The following PNKD variants were observed in gnomAD, a reference collection of about 807,000 sequenced individuals.
The protein encoded by PNKD is PNKD metallo-beta-lactamase domain containing.
In PNKD, 36 loss-of-function variants were observed where a neutral mutation model predicts 45.3. The observed-to-expected ratio is 0.80, with a 90% confidence interval of 0.61 to 1.05. The LOEUF (loss-of-function observed/expected upper bound fraction) is 1.05, where lower values mean the gene tolerates loss of function less well. PNKD is among the 50% of genes least tolerant of loss of function. The pLI is 0.00. For synonymous variants in PNKD, 197 were observed against 210.1 expected (o/e 0.94, Z 0.54); for missense variants, 511 against 506.6 (o/e 1.01, Z -0.08).
At chr2:218,298,088 G>A (rs138739475) in intron 2 of PNKD, among the ~76,000 whole-genome samples, 36 of 152,226 alleles carry the variant, frequency 2.4e-4, no homozygotes, top group Non-Finnish European at 4.3e-4. Context: ...TCATCTAGGT[G>A]AAAGGCAGTG....
rs750589574 is a variant in PNKD at position 218,345,020 on chromosome 2, G to C, written c.*39G>C. 6.5e-7 allele frequency: 1 copy of C among 1,534,110 alleles called. No homozygotes were observed. Among genetic ancestry groups the C allele is most frequent in the East Asian group, 2.3e-5 (1 of 44,242 alleles). ...CCCAGCCCAGCCCACTCCCCGCATG[G>C]GGAGGCCGCCACCACCAACACCTCA... On this transcript the variant is annotated 3_prime_UTR_variant, in exon 10 of 10. Coordinates refer to ENST00000273077, the MANE Select transcript of PNKD (RefSeq NM_015488.5).
chr2:218,346,533 C>G lies in PNKD; in HGVS notation c.*1552C>G, dbSNP rs752573980. 2 of 154,062 alleles carry G rather than the reference C, an allele frequency of 1.3e-5. No homozygotes were observed. The highest frequency in any genetic ancestry group is 2.9e-5 in the Non-Finnish European group (2 of 68,192). The allele number at this position is 154,062 out of a possible 1,614,324, so 9.5% of individuals were successfully genotyped here. On this transcript the variant is annotated 3_prime_UTR_variant, in exon 10 of 10. Coordinates refer to ENST00000273077, the MANE Select transcript of PNKD (RefSeq NM_015488.5). ...GCCTGGCAAGTTCATCTCTCACGAT[C>G]CCCTCAAAGGCCCCCTCCTCCAGGA... is the stretch of plus-strand genomic sequence containing the variant.
At chr2:218,334,343 C>A (rs1694424571) in intron 2 of PNKD, among the ~76,000 whole-genome samples, 1 of 152,028 alleles carries the variant, frequency 6.6e-6, no homozygotes. Context: ...GATCTAGAAT[C>A]CAGTCCAGAA....
intron 2 of PNKD, among the ~76,000 whole-genome samples, chr2:218,337,096 A>G (rs1231234710): frequency 1.3e-5 from 2 of 149,744 alleles, no homozygotes; most frequent in African/African-American, 2.5e-5. Flanking sequence ...CACTGCACCC[A>G]GCCTTCAATT....
rs146727797 is a variant in PNKD at position 218,282,119 on chromosome 2, G to A, written c.236+10570G>A. 2.6e-6 allele frequency: 4 copies of A among 1,526,662 alleles called. 1 individual carries two copies. Among genetic ancestry groups the A allele is most frequent in the South Asian group, 2.5e-5 (2 of 79,126 alleles). The allele number at this position is 1,526,662 out of a possible 1,614,324, so 94.6% of individuals were successfully genotyped here. A position where few individuals can be genotyped will look rare whatever the true frequency, so the allele number is the denominator to read the frequency against. On this transcript the variant is annotated intron_variant, in intron 2 of 9. Coordinates refer to ENST00000273077, the MANE Select transcript of PNKD (RefSeq NM_015488.5). ...CAGGGGGTTGCGGTCTTCATATGGT[G>A]GTGGGGCGCTGGGGTTGGACATGGC...
intron 2 of PNKD, chr2:218,279,250 C>G (rs1403880379): frequency 1.3e-6 from 2 of 1,564,098 alleles, no homozygotes; most frequent in Non-Finnish European, 1.7e-6. Flanking sequence ...CCTGAACCCC[C>G]AGGGCAGTAG....
At position 218,320,960 on chromosome 2, in the gene PNKD, G is replaced by A. The variant is rs750904978; in HGVS notation, c.237-18823G>A. On this transcript the variant is annotated intron_variant, in intron 2 of 9. Coordinates refer to ENST00000273077, the MANE Select transcript of PNKD (RefSeq NM_015488.5). The stretch of plus-strand genomic sequence containing the variant: ...TCTAAGGGTGGGGTTATGGCTCCCT[G>A]GGCCTGCATGACTCCCCTAAAACAC... Among the ~76,000 whole-genome samples the A allele has an allele frequency of 2.3e-4, 35 of 152,244 alleles. No homozygotes were observed. In the Middle Eastern group the frequency reaches 0.01, roughly 44 times the overall value.
intron 2 of PNKD, among the ~76,000 whole-genome samples, chr2:218,287,550 A>T (rs1263136700): frequency 4.6e-5 from 7 of 152,162 alleles, no homozygotes; most frequent in African/African-American, 7.2e-5. Context: ...TCTACTAAAA[A>T]ATACAAAAAA....
chr2:218,313,903 CTTTTTTTTTTTTT>C (rs10550174), intron 2 of PNKD, among the ~76,000 whole-genome samples: 1 of 77,722 alleles, frequency 1.3e-5, no homozygotes, highest in African/African-American at 3.9e-5. Flanking sequence ...TTCTTTATTT[CTTTTTTTTTTTTT>C]TTTTTTTTGA....
At chr2:218,332,886 A>T (rs981676756) in intron 2 of PNKD, among the ~76,000 whole-genome samples, 6 of 151,900 alleles carry the variant, frequency 3.9e-5, no homozygotes, top group African/African-American at 1.5e-4. Context: ...CCCCTTCTCC[A>T]GCACTGTTGG....
intron 2 of PNKD, chr2:218,323,510 G>C: frequency 7.6e-7 from 1 of 1,308,244 alleles, no homozygotes; most frequent in Non-Finnish European, 1.0e-6. Flanking sequence ...GGGGGCTGGA[G>C]CTGGGGGTGG....
intron 2 of PNKD, among the ~76,000 whole-genome samples, chr2:218,328,768 C>G (rs934673868): frequency 2.6e-5 from 4 of 152,206 alleles, no homozygotes; most frequent in East Asian, 1.9e-4. Flanking sequence ...CTCCATGAAG[C>G]CTGCCCGGCC....
At chr2:218,333,159 T>G (rs1318902158) in intron 2 of PNKD, among the ~76,000 whole-genome samples, 2 of 152,202 alleles carry the variant, frequency 1.3e-5, no homozygotes, top group Non-Finnish European at 2.9e-5. Context: ...TCTGGTTTAA[T>G]GTCTGTTGGC....
At position 218,340,723 on chromosome 2, in the gene PNKD, C is replaced by T. The variant is rs745435962; in HGVS notation, c.466-5C>T. ...CCCAGTCTCCAAACCTCCTCTCTCT[C>T]GCAGGCTTCCATTGAAAAGGAAGGG... On this transcript the variant is annotated splice_polypyrimidine_tract_variant and splice_region_variant and intron_variant, in intron 4 of 9. Transcript: ENST00000273077. The surrounding 1 kb of genome is among the most constrained non-coding windows in gnomAD (Gnocchi z 4.2). The T allele has an allele frequency of 9.3e-6, 15 of 1,612,972 alleles. No individual in the cohort carries two copies. The South Asian group carries it at 9.9e-5, about 11-fold the overall frequency.
intron 2 of PNKD, among the ~76,000 whole-genome samples, chr2:218,335,873 G>A (rs1180293736): frequency 6.6e-6 from 1 of 152,264 alleles, no homozygotes; most frequent in Non-Finnish European, 1.5e-5. Context: ...CCCCTTAGGG[G>A]TCTGAAGAGC....
intron 2 of PNKD, among the ~76,000 whole-genome samples, chr2:218,288,673 T>C (rs1045552317): frequency 2.6e-5 from 4 of 152,266 alleles, no homozygotes; most frequent in Admixed American, 2.6e-4. Context: ...ATAATATACA[T>C]AGCCCCAAAT....
intron 2 of PNKD, among the ~76,000 whole-genome samples, chr2:218,310,764 A>G (rs2085485): frequency 0.63 from 94,754 of 150,336 alleles, 29,861 homozygotes; most frequent in African/African-American, 0.69. Context: ...CCTAATTTTT[A>G]TATTTTTAGT....
intron 2 of PNKD, chr2:218,327,764 C>T (rs571243624): frequency 1.3e-5 from 2 of 153,086 alleles, no homozygotes; most frequent in African/African-American, 2.4e-5. Flanking sequence ...TTCCTCCCTA[C>T]ATCTCTACTG....
At chr2:218,278,216 A>C in intron 2 of PNKD, 1 of 605,528 alleles carries the variant, frequency 1.7e-6, no homozygotes, top group Non-Finnish European at 2.9e-6. Flanking sequence ...TCTTAAACTG[A>C]CTGCCTGTGT....
Sources: allele counts gnomAD v4.1 joint callset (sites outside exome capture counted in the v4.1 genomes callset), GRCh38; gene constraint gnomAD v4.1.1; non-coding constraint Gnocchi (gnomAD v3.1); transcripts MANE v1.5; gene names NCBI Gene and HGNC (gene_info 2026-07-23, HGNC 2026-07-21).